Variants in FOXP1 observed in about 807,000 individuals in gnomAD.
FOXP1 encodes the protein forkhead box protein P1.
In FOXP1, 15 loss-of-function variants were observed where a neutral mutation model predicts 98.2. That is an observed-to-expected ratio of 0.15 (90% CI 0.10 to 0.24). The LOEUF (loss-of-function observed/expected upper bound fraction) is 0.24, where lower values mean the gene tolerates loss of function less well. Ranked by LOEUF, FOXP1 falls within the 10% of genes least tolerant of loss-of-function variation. The pLI, the probability that FOXP1 is intolerant of heterozygous loss-of-function variation, is 1.00. For missense variants in FOXP1, 633 were observed against 848.5 expected (o/e 0.75, Z 3.15); for synonymous variants, 371 against 314.5 (o/e 1.18, Z -1.90).
intron 4 of FOXP1, among the ~76,000 whole-genome samples, chr3:71,355,768 T>C (rs1380779579): frequency 6.6e-6 from 1 of 152,146 alleles, no homozygotes; most frequent in East Asian, 1.9e-4. Context: ...AGTTCTGTGA[T>C]ATGGTGTCAA....
rs1310779143 is a variant in FOXP1, at chr3:71,397,064, A to G, written c.-167-37820T>C. ...TATATATATACACATATATATGTGT[A>G]TATATATATACATATATATGTGTAT... On this transcript the variant is annotated intron_variant, in intron 3 of 20. Transcript: ENST00000649528. Among the ~76,000 whole-genome samples the G allele has an allele frequency of 2.2e-4, 14 of 62,248 alleles. 4 individuals carry two copies. The highest frequency in any genetic ancestry group is 4.2e-4 in the Non-Finnish European group (14 of 33,036). 40.8% of individuals were successfully genotyped at this position (62,248 alleles called of 152,430 possible).
intron 2 of FOXP1, among the ~76,000 whole-genome samples, chr3:71,577,317 C>T (rs2047800471): frequency 6.6e-6 from 1 of 152,104 alleles, no homozygotes; most frequent in Admixed American, 6.6e-5. Flanking sequence ...AAAACCAAAA[C>T]ACTTCTAGAA....
At chr3:71,158,520 G>A (rs1325088455) in intron 6 of FOXP1, among the ~76,000 whole-genome samples, 1 of 152,012 alleles carries the variant, frequency 6.6e-6, no homozygotes, top group Non-Finnish European at 1.5e-5. Flanking sequence ...ACCAATGAGA[G>A]CTCAGTAATC....
intron 3 of FOXP1, among the ~76,000 whole-genome samples, chr3:71,363,939 G>C (rs1354829288): frequency 6.6e-6 from 1 of 152,144 alleles, no homozygotes; most frequent in Non-Finnish European, 1.5e-5. Flanking sequence ...CTAGTTCCTG[G>C]AGATAGTGGA....
intron 4 of FOXP1, among the ~76,000 whole-genome samples, chr3:71,313,948 T>C (rs1209468283): frequency 3.3e-5 from 5 of 152,228 alleles, no homozygotes; most frequent in African/African-American, 1.2e-4. Flanking sequence ...TGGATTCAAG[T>C]GCCCAAGTTC....
intron 13 of FOXP1, among the ~76,000 whole-genome samples, chr3:70,997,420 G>A (rs1461598710): frequency 6.6e-6 from 1 of 152,218 alleles, no homozygotes; most frequent in African/African-American, 2.4e-5. Flanking sequence ...GAGTATAACT[G>A]TACTGTGTCC....
At chr3:71,561,647 G>A (rs909073069) in intron 2 of FOXP1, among the ~76,000 whole-genome samples, 3 of 152,286 alleles carry the variant, frequency 2.0e-5, no homozygotes, top group East Asian at 3.9e-4. Flanking sequence ...TTACAACAGC[G>A]CTGGCACTCA....
chr3:71,337,951 G>A (rs1000721155), intron 4 of FOXP1, among the ~76,000 whole-genome samples: 8 of 152,288 alleles, frequency 5.3e-5, no homozygotes, highest in South Asian at 2.1e-4. Flanking sequence ...ACGAGGAAGC[G>A]CTCGTTTCAC....
At chr3:71,178,461 G>A (rs2062080379) in intron 6 of FOXP1, among the ~76,000 whole-genome samples, 2 of 152,034 alleles carry the variant, frequency 1.3e-5, no homozygotes, top group Non-Finnish European at 2.9e-5. Context: ...AAACATCTTT[G>A]ACAGCTGGGT....
intron 11 of FOXP1, among the ~76,000 whole-genome samples, chr3:71,037,860 A>G (rs2047813769): frequency 6.6e-6 from 1 of 152,216 alleles, no homozygotes; most frequent in African/African-American, 2.4e-5. Flanking sequence ...CTGAATATTG[A>G]TAAATGTCTC....
intron 6 of FOXP1, among the ~76,000 whole-genome samples, chr3:71,184,557 G>A (rs982106447): frequency 2.0e-5 from 3 of 152,126 alleles, no homozygotes; most frequent in Non-Finnish European, 2.9e-5. Context: ...CGTGTACAGT[G>A]CTACATTTTA....
At chr3:71,355,741 G>A (rs964512531) in intron 4 of FOXP1, among the ~76,000 whole-genome samples, 1 of 152,166 alleles carries the variant, frequency 6.6e-6, no homozygotes, top group Non-Finnish European at 1.5e-5. Flanking sequence ...GCTGGGGTCT[G>A]TTGCCCCAAA....
At chr3:71,530,152 T>C (rs1578034621) in intron 2 of FOXP1, among the ~76,000 whole-genome samples, 2 of 152,282 alleles carry the variant, frequency 1.3e-5, no homozygotes, top group East Asian at 1.9e-4. Context: ...CCTAAGTTTA[T>C]GCGTAGAATC....
chr3:71,389,861 TAA>T (rs536621333), intron 3 of FOXP1, among the ~76,000 whole-genome samples: 12 of 137,512 alleles, frequency 8.7e-5, no homozygotes, highest in African/African-American at 8.0e-5. Flanking sequence ...ATTCTGTCTT[TAA>T]AAAAAAAAAA....
intron 3 of FOXP1, among the ~76,000 whole-genome samples, chr3:71,472,167 T>G (rs760912444): frequency 6.6e-6 from 1 of 152,144 alleles, no homozygotes; most frequent in Admixed American, 6.6e-5. Flanking sequence ...AATTCTTATT[T>G]TGCAGAGGAC....
At chr3:71,463,032 C>G (rs1283225128) in intron 3 of FOXP1, among the ~76,000 whole-genome samples, 2 of 152,194 alleles carry the variant, frequency 1.3e-5, no homozygotes, top group Non-Finnish European at 2.9e-5. Flanking sequence ...GGCAGGAAAG[C>G]CTCTCCTCTC....
intron 3 of FOXP1, among the ~76,000 whole-genome samples, chr3:71,480,894 A>T (rs1022927751): frequency 6.6e-6 from 1 of 152,196 alleles, no homozygotes; most frequent in Non-Finnish European, 1.5e-5. Context: ...ACCATCTCTC[A>T]GGTTGTTCAA....
chr3:71,242,427 G>A (rs1425814566), intron 5 of FOXP1, among the ~76,000 whole-genome samples: 2 of 152,124 alleles, frequency 1.3e-5, no homozygotes, highest in Non-Finnish European at 2.9e-5. Context: ...AGCTGCACTA[G>A]GGAAGTTTGC....
intron 3 of FOXP1, among the ~76,000 whole-genome samples, chr3:71,486,699 C>T (rs1031161195): frequency 2.0e-5 from 3 of 152,146 alleles, no homozygotes; most frequent in African/African-American, 4.8e-5. Flanking sequence ...AATAAAATGA[C>T]GGCAATTCTC....
Sources: gnomAD v4.1 joint callset for allele counts (sites outside exome capture counted in the v4.1 genomes callset) on GRCh38, gnomAD v4.1.1 for gene constraint, MANE v1.5 for transcripts, NCBI Gene and HGNC (gene_info 2026-07-23, HGNC 2026-07-21) for gene names.